TRIM36: variants seen among roughly 807,000 people sequenced by gnomAD.
TRIM36 encodes the protein E3 ubiquitin-protein ligase TRIM36.
Under a neutral mutation model 72.4 loss-of-function variants are expected in TRIM36, and 42 were observed. That is an observed-to-expected ratio of 0.58 (90% CI 0.45 to 0.75). The LOEUF (loss-of-function observed/expected upper bound fraction) is 0.75, where lower values mean the gene tolerates loss of function less well. Ranked by LOEUF, TRIM36 falls within the 30% of genes least tolerant of loss-of-function variation. TRIM36 has a pLI of 0.00. For synonymous variants in TRIM36, 315 were observed against 282.8 expected (o/e 1.11, Z -1.14); for missense variants, 913 against 857.1 (o/e 1.07, Z -0.81).
At chr5:115,135,260 A>G (rs1475467560) in intron 7 of TRIM36, among the ~76,000 whole-genome samples, 1 of 152,256 alleles carries the variant, frequency 6.6e-6, no homozygotes, top group East Asian at 1.9e-4. Context: ...AGAGAAGGAC[A>G]TGAATAAGAA....
chr5:115,161,043 C>A (rs1452163173), intron 2 of TRIM36, among the ~76,000 whole-genome samples: 1 of 152,168 alleles, frequency 6.6e-6, no homozygotes, highest in Non-Finnish European at 1.5e-5. Context: ...TGCATTAAAA[C>A]CTCCAGGAAT....
upstream of TRIM36, chr5:115,174,225 T>C (rs1359014685): frequency 6.6e-6 from 1 of 152,132 alleles, no homozygotes; most frequent in Admixed American, 6.5e-5. Context: ...TGCTCTGAGA[T>C]CAGACAGGCA....
Position 115,130,643 on chromosome 5 carries a change from C to G in TRIM36, c.1745G>C (p.Ser582Thr). 6.2e-7 allele frequency: 1 copy of G among 1,614,172 alleles called. No individual in the cohort carries two copies. The highest frequency in any genetic ancestry group is 8.5e-7 in the Non-Finnish European group (1 of 1,180,032). ...ACGGAGCCATTCTTGTAGTTTATCGCTAGAAGCAACTCCCACTTTTACCAG... is the reference window on the plus strand; with the variant it reads ...ACGGAGCCATTCTTGTAGTTTATCGGTAGAAGCAACTCCCACTTTTACCAG... The part of the protein sequence containing the change: ...SYLVKVGVAS[S>T]DKLQEWLRSP... The change falls in exon 9 of 10, where the codon AGC becomes ACC. Residue 582 changes from serine (S) to threonine (T), a missense_variant. Physicochemically the swap from Ser to Thr is moderately conservative, Grantham distance 58. Transcript: ENST00000513154.
intron 2 of TRIM36, among the ~76,000 whole-genome samples, chr5:115,161,596 A>C (rs1754485103): frequency 6.6e-6 from 1 of 152,234 alleles, no homozygotes; most frequent in Admixed American, 6.5e-5. Context: ...ACCACTATCA[A>C]GTTTTTGTGA....
At chr5:115,148,391 C>CATT in intron 2 of TRIM36, 1 of 935,608 alleles carries the variant, frequency 1.1e-6, no homozygotes, top group Non-Finnish European at 1.3e-6. Context: ...ATGCATATCA[C>CATT]ATTCCCTCAT....
chr5:115,166,683 G>T (rs1056697449), intron 1 of TRIM36, among the ~76,000 whole-genome samples: 2 of 152,226 alleles, frequency 1.3e-5, no homozygotes, highest in African/African-American at 4.8e-5. Context: ...CATGTTGTGG[G>T]TGACGATGAG....
In TRIM36 at chr5:115,144,627, T is replaced by A. The variant is rs187190901; in HGVS notation, c.706A>T (p.Thr236Ser). ...GGNHANHRVT[T>S]MSSAYKTLKE... is the part of the protein sequence containing the mutation. Reference sequence around the variant, plus strand: ...AAGGTTTTGTAGGCACTGCTCATAGTGGTTACACGGTGGTTGGCATGATTA... The same window carrying A: ...AAGGTTTTGTAGGCACTGCTCATAGAGGTTACACGGTGGTTGGCATGATTA... Residue 236 changes from threonine to serine, a missense_variant, in exon 4 of 10, where the codon ACT becomes TCT. Physicochemically the swap from Thr to Ser is moderately conservative, Grantham distance 58. Transcript: ENST00000513154. The A allele has an allele frequency of 6.2e-7, 1 of 1,614,022 alleles. No individual in the cohort carries two copies. The highest frequency in any genetic ancestry group is 8.5e-7 in the Non-Finnish European group (1 of 1,180,000).
rs73251550 is a variant in TRIM36 at position 115,158,657 on chromosome 5, A to G, written c.262+4861T>C. The stretch of plus-strand genomic sequence containing the variant: ...ATGCTTCTTTTGGTACATTCTGACT[A>G]TTTGATGCCTATGAGTTATATTTAC... On this transcript the variant is annotated intron_variant, in intron 2 of 9. Coordinates refer to ENST00000513154, the MANE Select transcript of TRIM36 (RefSeq NM_001300759.2). Among the ~76,000 whole-genome samples, 634 of 152,302 alleles carry G rather than the reference A, an allele frequency of 4.2e-3. 2 individuals carry two copies. The highest frequency in any genetic ancestry group is 0.015 in the African/African-American group (606 of 41,550).
chr5:115,130,571 T>C, intron 9 of TRIM36, 21 bp downstream of exon 9: 2 of 1,602,410 alleles, frequency 1.2e-6, no homozygotes, highest in East Asian at 2.2e-5. Context: ...TATCAAGTTC[T>C]AGATCAATAC....
chr5:115,142,160 A>T (rs1753313496), intron 4 of TRIM36, among the ~76,000 whole-genome samples: 1 of 152,202 alleles, frequency 6.6e-6, no homozygotes, highest in Admixed American at 6.5e-5. Context: ...TGTAGCTCTT[A>T]AAGGCCAATC....
intron 1 of TRIM36, 138 bp downstream of exon 1, chr5:115,169,470 G>C: frequency 1.1e-6 from 1 of 948,024 alleles, no homozygotes; most frequent in South Asian, 1.9e-5. Flanking sequence ...AGAAGGCGAA[G>C]AGGAAGCGGG....
intron 2 of TRIM36, among the ~76,000 whole-genome samples, chr5:115,152,323 GAAGA>G (rs1416328340): frequency 6.6e-6 from 1 of 152,110 alleles, no homozygotes; most frequent in East Asian, 1.9e-4. Context: ...CAAAGACAAA[GAAGA>G]AAGAATAAGA....
At chr5:115,179,309 C>G (rs1204384203) in intron 1 of TRIM36, among the ~76,000 whole-genome samples, 1 of 152,190 alleles carries the variant, frequency 6.6e-6, no homozygotes, top group African/African-American at 2.4e-5. Context: ...ACGGCGCCAG[C>G]CTGCGTTCCT....
chr5:115,150,514 G>T (rs1003429142), intron 2 of TRIM36, among the ~76,000 whole-genome samples: 9 of 152,146 alleles, frequency 5.9e-5, no homozygotes, highest in Admixed American at 3.9e-4. Context: ...AAAACAGAGG[G>T]ATCATCACAA....
Position 115,147,265 on chromosome 5 carries a change from T to C in TRIM36, c.392A>G (p.Glu131Gly). 6.2e-7 allele frequency: 1 copy of C among 1,614,158 alleles called. No homozygotes were observed. Among genetic ancestry groups the C allele is most frequent in the Non-Finnish European group, 8.5e-7 (1 of 1,180,036 alleles). ...TGCCCTAGCTGCTTGACGATATCTT[T>C]CCACAATAGTTTCCAAAGTGAAGTT... is the stretch of plus-strand genomic sequence containing the variant. Reference protein sequence around the residue: ...FRNFTLETIVERYRQAARAAT... With the variant: ...FRNFTLETIVGRYRQAARAAT... Residue 131 changes from glutamate (E) to glycine (G), a missense_variant, in exon 3 of 10, where the codon GAA (glutamate) becomes GGA (glycine). Glu to Gly is a moderately conservative substitution (Grantham distance 98). Transcript: ENST00000513154.
chr5:115,153,660 C>G (rs1318213737), intron 2 of TRIM36: 1 of 152,450 alleles, frequency 6.6e-6, no homozygotes. Flanking sequence ...TGGGTGCCAC[C>G]AGGCCCAGCT....
intron 2 of TRIM36, among the ~76,000 whole-genome samples, chr5:115,159,459 C>A: frequency 6.6e-6 from 1 of 152,142 alleles, no homozygotes; most frequent in Non-Finnish European, 1.5e-5. Flanking sequence ...CTTTTAAAAA[C>A]ATCAGAACTT....
chr5:115,130,501 G>T, intron 9 of TRIM36, 91 bp downstream of exon 9: 3 of 1,410,876 alleles, frequency 2.1e-6, no homozygotes, highest in Non-Finnish European at 2.9e-6. Context: ...TAAGAAATAA[G>T]AAATGTATAC....
intron 2 of TRIM36, among the ~76,000 whole-genome samples, chr5:115,155,651 C>T (rs1171599374): frequency 6.6e-6 from 1 of 152,142 alleles, no homozygotes; most frequent in African/African-American, 2.4e-5. Flanking sequence ...AATCAGCATA[C>T]AAGGAACATA....
Sources: gnomAD v4.1 joint callset for allele counts (sites outside exome capture counted in the v4.1 genomes callset) on GRCh38, gnomAD v4.1.1 for gene constraint, MANE v1.5 for transcripts, NCBI Gene and HGNC (gene_info 2026-07-23, HGNC 2026-07-21) for gene names.